Variants in MFSD12 observed in about 807,000 individuals in gnomAD.
MFSD12 encodes the protein major facilitator superfamily domain containing 12.
MFSD12 carries 67 observed loss-of-function variants against 51.2 expected under a neutral mutation model. The ratio of observed to expected loss-of-function variants is 1.31; its 90% CI spans 1.08 to 1.60. The LOEUF is 1.60. Ranked by LOEUF, MFSD12 falls within the 40% of genes most tolerant of loss-of-function variation. The pLI, the probability that MFSD12 is intolerant of heterozygous loss-of-function variation, is 0.00. For synonymous variants in MFSD12, 441 were observed against 316.7 expected, an observed-to-expected ratio of 1.39 and a Z score of -4.17; for missense variants, 921 against 673.0, an observed-to-expected ratio of 1.37 and a Z score of -4.08.
downstream of MFSD12, chr19:3,543,509 T>C (rs1599815036): frequency 8.2e-7 from 1 of 1,220,670 alleles, no homozygotes; most frequent in South Asian, 1.3e-5. Flanking sequence ...GCAGCGGGCC[T>C]GCCAGAGGGG....
At position 3,546,378 on chromosome 19, in the gene MFSD12, C is replaced by A; in HGVS notation, c.1071G>T (p.Trp357Cys). Reference protein sequence around the residue: ...GLLVILAFAAWVALAEGLGVA... With the variant: ...GLLVILAFAACVALAEGLGVA... ...CACCCAGTCCCTCCGCCAGCGCCAC[C>A]CAGGCGGCAAAGGCCAGGATCACCA... Residue 357 changes from tryptophan (W) to cysteine (C), a missense_variant, in exon 7 of 10, where the codon TGG becomes TGT. Trp to Cys is a radical substitution (Grantham distance 215). Coordinates refer to ENST00000355415, the MANE Select transcript of MFSD12 (RefSeq NM_174983.5). 6.2e-7 allele frequency: 1 copy of A among 1,608,422 alleles called. No individual in the cohort carries two copies. The highest frequency in any genetic ancestry group is 8.5e-7 in the Non-Finnish European group (1 of 1,178,108).
At position 3,548,355 on chromosome 19, in the gene MFSD12, G is replaced by A. The variant is rs1382942416; in HGVS notation, c.510-88C>T. 1.5e-5 allele frequency: 22 copies of A among 1,496,650 alleles called. No homozygotes were observed. In the East Asian group the frequency reaches 3.5e-4, roughly 24 times the overall value. The allele number at this position is 1,496,650 out of a possible 1,614,324, so 92.7% of individuals were successfully genotyped here. On this transcript the variant is annotated intron_variant, in intron 2 of 9. Coordinates refer to ENST00000355415, the MANE Select transcript of MFSD12 (RefSeq NM_174983.5). Reference sequence around the variant, plus strand: ...GTGGCTACGCCGTCAGAGAGGCCTGGGGAACCCCTGACTGACAGGTGATTC... The same window carrying A: ...GTGGCTACGCCGTCAGAGAGGCCTGAGGAACCCCTGACTGACAGGTGATTC...
chr19:3,546,045 A>T (rs2030996008), intron 8 of MFSD12, 29 bp downstream of exon 8: 2 of 1,610,144 alleles, frequency 1.2e-6, no homozygotes, highest in African/African-American at 2.7e-5. Flanking sequence ...ACTGAACAAA[A>T]GAATGAATGA....
Position 3,544,576 on chromosome 19 carries a change from G to C in MFSD12, c.*134C>G, listed in dbSNP as rs1342824871. On this transcript the variant is annotated 3_prime_UTR_variant, in exon 10 of 10. Transcript: ENST00000355415. Reference sequence around the variant, plus strand: ...GCTGCCCTCACCCGACCCCACCCCCGGGAGCTGGGTGAGGATGGAGGGTGG... The same window carrying C: ...GCTGCCCTCACCCGACCCCACCCCCCGGAGCTGGGTGAGGATGGAGGGTGG... 3 of 1,459,442 alleles carry C rather than the reference G, an allele frequency of 2.1e-6. No individual in the cohort carries two copies. The highest frequency in any genetic ancestry group is 2.4e-5 in the East Asian group (1 of 41,528). The allele number at this position is 1,459,442 out of a possible 1,614,324, so 90.4% of individuals were successfully genotyped here.
rs141551845 is a variant in MFSD12, at chr19:3,544,903, G to C, written c.1326C>G (p.Tyr442Ter). Residue 442 changes from tyrosine to a stop codon, truncating the protein, a stop_gained, in exon 9 of 10, where the codon TAC (tyrosine) becomes TAG (stop). Coordinates refer to ENST00000355415, the MANE Select transcript of MFSD12 (RefSeq NM_174983.5). LOFTEE classifies it high-confidence loss of function. ...CCGTCACAGCCACCATCGCCCAGTGGTAAAAGCTCACGCAGGCCCTGCAGC... is the reference window on the plus strand; with the variant it reads ...CCGTCACAGCCACCATCGCCCAGTGCTAAAAGCTCACGCAGGCCCTGCAGC... The part of the protein sequence containing the change: ...ELCCRACVSF[Y>*]HWAMVAVTGG... 2.5e-6 allele frequency: 4 copies of C among 1,611,360 alleles called. No individual in the cohort carries two copies. Among genetic ancestry groups the C allele is most frequent in the Non-Finnish European group, 3.4e-6 (4 of 1,179,410 alleles).
Position 3,547,371 on chromosome 19 carries a change from A to T in MFSD12, c.931-7T>A, listed in dbSNP as rs1380809173. 1 of 1,613,086 alleles carries T rather than the reference A, an allele frequency of 6.2e-7. No individual in the cohort carries two copies. Among genetic ancestry groups the T allele is most frequent in the East Asian group, 2.2e-5 (1 of 44,874 alleles). ...GAATGGTCGCGATGAACTTCTGCGG[A>T]GGCAGAGCCAGGCATGCCGTGTCAG... On this transcript the variant is annotated splice_region_variant and splice_polypyrimidine_tract_variant and intron_variant, in intron 5 of 9. Transcript: ENST00000355415.
Position 3,544,804 on chromosome 19 carries a change from C to G in MFSD12, c.1420+5G>C. ...CTGGGGAGGGAGGGGTGGGCCAGGA[C>G]TCACAGCGTCGCAGGCGGGTCGGCC... On this transcript the variant is annotated splice_donor_5th_base_variant and intron_variant, in intron 9 of 9. Coordinates refer to ENST00000355415, the MANE Select transcript of MFSD12 (RefSeq NM_174983.5). 6.2e-7 allele frequency: 1 copy of G among 1,611,820 alleles called. No homozygotes were observed. The highest frequency in any genetic ancestry group is 1.1e-5 in the South Asian group (1 of 90,886).
In MFSD12 at chr19:3,547,955, G is replaced by T; in HGVS notation, c.730C>A (p.Arg244=). Reference sequence around the variant, plus strand: ...TCGCCTGGCTCCTCCGCATGCGGCCGGCGCCTCTCCCGGGTGCCCAGGTGG... The same window carrying T: ...TCGCCTGGCTCCTCCGCATGCGGCCTGCGCCTCTCCCGGGTGCCCAGGTGG... ...LFHLGTRERR[R]PHAEEPGEHT... is the part of the protein sequence containing the mutation. Residue 244 remains arginine (R), a synonymous_variant, in exon 4 of 10, where the codon CGG becomes AGG. Coordinates refer to ENST00000355415, the MANE Select transcript of MFSD12 (RefSeq NM_174983.5). 1 of 1,595,388 alleles carries T rather than the reference G, an allele frequency of 6.3e-7. No homozygotes were observed. The highest frequency in any genetic ancestry group is 8.5e-7 in the Non-Finnish European group (1 of 1,177,706).
At chr19:3,555,726 G>C (rs1217796635) in intron 1 of MFSD12, among the ~76,000 whole-genome samples, 2 of 152,216 alleles carry the variant, frequency 1.3e-5, no homozygotes, top group Non-Finnish European at 1.5e-5. Context: ...CAAGGGTGAG[G>C]AGGCACCCGC....
chr19:3,549,017 C>T (rs933867412), intron 2 of MFSD12, among the ~76,000 whole-genome samples: 3 of 152,186 alleles, frequency 2.0e-5, no homozygotes, highest in African/African-American at 7.2e-5. Flanking sequence ...CTTTGGGCAC[C>T]AGCTGGGGCC....
chr19:3,551,123 C>T lies in MFSD12; in HGVS notation c.370G>A (p.Glu124Lys), dbSNP rs752530597. The T allele has an allele frequency of 3.7e-6, 6 of 1,612,686 alleles. No individual in the cohort carries two copies. The highest frequency in any genetic ancestry group is 3.3e-5 in the Admixed American group (2 of 59,992). The change falls in exon 2 of 10, where the codon GAG becomes AAG. Residue 124 changes from glutamate to lysine, a missense_variant. Coordinates refer to ENST00000355415, the MANE Select transcript of MFSD12 (RefSeq NM_174983.5). The surrounding 1 kb of genome is among the most constrained non-coding windows in gnomAD (Gnocchi z 4.6). ...PCLGCGAATP[E>K]WAALLYYGPF... is the part of the protein sequence containing the mutation. ...CCGTAGTAGAGGAGGGCAGCCCACTCGGGCGTGGCCGCCCCACAGCCCAGG... is the reference window on the plus strand; with the variant it reads ...CCGTAGTAGAGGAGGGCAGCCCACTTGGGCGTGGCCGCCCCACAGCCCAGG...
At chr19:3,542,049 A>G, downstream of MFSD12, 1 of 760,714 alleles carries the variant, frequency 1.3e-6, no homozygotes, top group Non-Finnish European at 1.6e-6. Flanking sequence ...ACCTCAGGTG[A>G]TCTACCCACC....
At chr19:3,538,881 C>T (rs559362283) in intron 4 of MFSD12, 7 of 627,290 alleles carry the variant, frequency 1.1e-5, no homozygotes, top group South Asian at 6.1e-5. Flanking sequence ...GAGACAGAAG[C>T]CCCTCAAGGG....
In MFSD12 at chr19:3,551,220, C is replaced by G. The variant is rs939554389; in HGVS notation, c.299-26G>C. The G allele has an allele frequency of 2.6e-6, 4 of 1,551,638 alleles. No individual in the cohort carries two copies. The highest frequency in any genetic ancestry group is 2.6e-6 in the Non-Finnish European group (3 of 1,145,886). On this transcript the variant is annotated intron_variant, in intron 1 of 9. Coordinates refer to ENST00000355415, the MANE Select transcript of MFSD12 (RefSeq NM_174983.5). The surrounding 1 kb of genome is among the most constrained non-coding windows in gnomAD (Gnocchi z 4.6). ...CTGTGGAAGGCAGAGTGGTCAGTCG[C>G]GGGGCTGTCCCGCACCAGCCAGGGC...
In MFSD12 at chr19:3,544,897, C is replaced by T. The variant is rs1419392180; in HGVS notation, c.1332G>A (p.Trp444Ter). Residue 444 changes from tryptophan to a stop codon, truncating the protein, a stop_gained, in exon 9 of 10, where the codon TGG becomes TGA. Coordinates refer to ENST00000355415, the MANE Select transcript of MFSD12 (RefSeq NM_174983.5). LOFTEE classifies it high-confidence loss of function. ...CCRACVSFYH[W>*]AMVAVTGGVG... ...CGCCGCCCGTCACAGCCACCATCGC[C>T]CAGTGGTAAAAGCTCACGCAGGCCC... 1.2e-6 allele frequency: 2 copies of T among 1,611,848 alleles called. No individual in the cohort carries two copies. Among genetic ancestry groups the T allele is most frequent in the Non-Finnish European group, 1.7e-6 (2 of 1,179,542 alleles).
downstream of MFSD12, among the ~76,000 whole-genome samples, chr19:3,541,333 CAA>C (rs899637037): frequency 3.0e-4 from 42 of 142,118 alleles, no homozygotes; most frequent in African/African-American, 9.5e-4. Context: ...AAGACTGTCT[CAA>C]AAAAAAAAAG....
chr19:3,550,968 G>T lies in MFSD12; in HGVS notation c.509+16C>A. On this transcript the variant is annotated intron_variant, in intron 2 of 9. Transcript: ENST00000355415. ...GGGCCCACCCTGCCCGTGGGGGAGG[G>T]TGCCCAGGCTCCCACCTGAGTGCCG... The T allele has an allele frequency of 6.2e-7, 1 of 1,607,482 alleles. No individual in the cohort carries two copies. The highest frequency in any genetic ancestry group is 8.5e-7 in the Non-Finnish European group (1 of 1,178,016).
At chr19:3,544,180 A>G (rs1052293152), downstream of MFSD12, 7 of 1,367,388 alleles carry the variant, frequency 5.1e-6, no homozygotes, top group Non-Finnish European at 5.7e-6. Flanking sequence ...GCCCCCCCGC[A>G]GGCAGACAGG....
chr19:3,557,346 C>T lies in MFSD12; in HGVS notation c.58G>A (p.Val20Met), dbSNP rs2145232904. ...CCCACGGCGTAGCTCAGCCGCGCCA[C>T]CAGGGACAGCGGCCGCGGGGACGGC... ...AAPSPRPLSL[V>M]ARLSYAVGHF... is the part of the protein sequence containing the mutation. The change falls in exon 1 of 10, where the codon GTG (valine) becomes ATG (methionine). Residue 20 changes from valine to methionine, a missense_variant. Coordinates refer to ENST00000355415, the MANE Select transcript of MFSD12 (RefSeq NM_174983.5). The T allele has an allele frequency of 6.5e-7, 1 of 1,535,908 alleles. No individual in the cohort carries two copies.
Sources: gnomAD v4.1 joint callset for allele counts (sites outside exome capture counted in the v4.1 genomes callset) on GRCh38, gnomAD v4.1.1 for gene constraint, Gnocchi (gnomAD v3.1) non-coding constraint, MANE v1.5 for transcripts, NCBI Gene and HGNC (gene_info 2026-07-23, HGNC 2026-07-21) for gene names.